SNX18: variants seen among roughly 807,000 people sequenced by gnomAD.
SNX18 encodes the protein sorting nexin 18.
A neutral mutation model predicts 48.7 loss-of-function variants in SNX18; 35 were observed. The ratio of observed to expected loss-of-function variants is 0.72; its 90% CI spans 0.55 to 0.95. SNX18 has a LOEUF of 0.95. Ranked by LOEUF, SNX18 falls within the 40% of genes least tolerant of loss-of-function variation. The pLI is 0.00. For missense variants in SNX18, 824 were observed against 871.0 expected (o/e 0.95, Z 0.68); for synonymous variants, 492 against 384.7 (o/e 1.28, Z -3.26).
At chr5:54,532,717 C>T (rs1057156318) in intron 1 of SNX18, among the ~76,000 whole-genome samples, 2 of 152,060 alleles carry the variant, frequency 1.3e-5, no homozygotes, top group Non-Finnish European at 2.9e-5. Context: ...AATTTTATCA[C>T]GTTTAATATT....
chr5:54,626,223 G>C, the SNX18 span, among the ~76,000 whole-genome samples: 2 of 152,194 alleles, frequency 1.3e-5, no homozygotes, highest in Non-Finnish European at 2.9e-5. Context: ...GAATCAGCAA[G>C]AACTTTGGTG....
At chr5:54,610,045 C>T in the SNX18 span, among the ~76,000 whole-genome samples, 2 of 152,140 alleles carry the variant, frequency 1.3e-5, no homozygotes, top group African/African-American at 4.8e-5. Context: ...CTTCGCCTTC[C>T]TCCATGACTG....
the SNX18 span, among the ~76,000 whole-genome samples, chr5:54,576,798 T>TTTGTTTGC: frequency 9.9e-4 from 147 of 148,372 alleles, 1 homozygote; most frequent in Middle Eastern, 3.5e-3. Context: ...TGTTTGTTTG[T>TTTGTTTGC]TTGCTTGCTT....
the SNX18 span, among the ~76,000 whole-genome samples, chr5:54,568,137 C>T: frequency 2.6e-5 from 4 of 152,150 alleles, no homozygotes; most frequent in Non-Finnish European, 5.9e-5. Flanking sequence ...CCTCGCTTCT[C>T]CCCACTTTCC....
chr5:54,590,580 C>T, the SNX18 span, among the ~76,000 whole-genome samples: 1 of 152,186 alleles, frequency 6.6e-6, no homozygotes, highest in African/African-American at 2.4e-5. Context: ...CAGTGACCCC[C>T]TACTTATACC....
Position 54,543,484 on chromosome 5 carries a change from C to T in SNX18, c.*52C>T. On this transcript the variant is annotated 3_prime_UTR_variant, in exon 2 of 2. Transcript: ENST00000381410. ...TTCAGTTCAAGGATAATTTCTACAG[C>T]AGAATAAAAACTGCTGTCAAAGAGC... 6.3e-7 allele frequency: 1 copy of T among 1,582,586 alleles called. No homozygotes were observed. The highest frequency in any genetic ancestry group is 8.6e-7 in the Non-Finnish European group (1 of 1,163,906).
At chr5:54,633,031 C>T in the SNX18 span, among the ~76,000 whole-genome samples, 1 of 152,024 alleles carries the variant, frequency 6.6e-6, no homozygotes. Flanking sequence ...CCTTGGCCTC[C>T]CAAAGTGCTG....
chr5:54,623,025 T>C, the SNX18 span, among the ~76,000 whole-genome samples: 11 of 152,362 alleles, frequency 7.2e-5, no homozygotes, highest in Middle Eastern at 3.4e-3. Context: ...TTCATTCATA[T>C]CAATAGTGCT....
chr5:54,617,743 T>A, the SNX18 span, among the ~76,000 whole-genome samples: 6 of 152,224 alleles, frequency 3.9e-5, no homozygotes, highest in South Asian at 8.3e-4. Flanking sequence ...TTTTTTAAAA[T>A]AGAGACAGAT....
chr5:54,521,486 G>A (rs1398563288), intron 1 of SNX18, among the ~76,000 whole-genome samples: 2 of 152,164 alleles, frequency 1.3e-5, no homozygotes, highest in East Asian at 1.9e-4. Flanking sequence ...ATTGCCTTAA[G>A]GCCAGGAGTT....
chr5:54,572,880 G>A, the SNX18 span, among the ~76,000 whole-genome samples: 1 of 135,516 alleles, frequency 7.4e-6, no homozygotes, highest in East Asian at 2.4e-4. Flanking sequence ...TGCAACCTCC[G>A]CCTCCCGGGT....
chr5:54,632,433 C>CA, the SNX18 span, among the ~76,000 whole-genome samples: 5 of 152,250 alleles, frequency 3.3e-5, no homozygotes, highest in African/African-American at 1.2e-4. Context: ...GCCTTGCAAA[C>CA]AGAGTCCCAG....
chr5:54,645,263 C>G, the SNX18 span: 1 of 152,154 alleles, frequency 6.6e-6, no homozygotes, highest in African/African-American at 2.4e-5. Flanking sequence ...AATTGATGTT[C>G]CAGCCACTAT....
At chr5:54,632,544 A>AT in the SNX18 span, among the ~76,000 whole-genome samples, 1 of 152,104 alleles carries the variant, frequency 6.6e-6, no homozygotes, top group African/African-American at 2.4e-5. Flanking sequence ...CATGCAGGAC[A>AT]TTGCACGGCT....
At chr5:54,646,975 T>C in the SNX18 span, among the ~76,000 whole-genome samples, 6 of 152,210 alleles carry the variant, frequency 3.9e-5, no homozygotes, top group Non-Finnish European at 7.3e-5. Context: ...CCTGTGCCTC[T>C]TCCTGAGGCT....
the SNX18 span, among the ~76,000 whole-genome samples, chr5:54,596,256 G>A: frequency 2.0e-5 from 3 of 152,138 alleles, no homozygotes; most frequent in Admixed American, 1.3e-4. Flanking sequence ...AAAAGGAATT[G>A]TATAATATAA....
chr5:54,538,172 A>C (rs549873031), intron 1 of SNX18, among the ~76,000 whole-genome samples: 1 of 152,266 alleles, frequency 6.6e-6, no homozygotes, highest in South Asian at 2.1e-4. Context: ...GTAAGAACCC[A>C]ATCATTTGTA....
chr5:54,598,605 C>T, the SNX18 span, among the ~76,000 whole-genome samples: 3,598 of 152,248 alleles, frequency 0.024, 53 homozygotes, highest in Non-Finnish European at 0.037. Flanking sequence ...TGTAATCCAT[C>T]ACATAAACGG....
At chr5:54,629,438 G>T in the SNX18 span, among the ~76,000 whole-genome samples, 1 of 152,120 alleles carries the variant, frequency 6.6e-6, no homozygotes, top group Non-Finnish European at 1.5e-5. Flanking sequence ...TCAGATTCTG[G>T]TATTGTTTGT....
Sources: gnomAD v4.1 joint callset for allele counts (sites outside exome capture counted in the v4.1 genomes callset) on GRCh38, gnomAD v4.1.1 for gene constraint, MANE v1.5 for transcripts, NCBI Gene and HGNC (gene_info 2026-07-23, HGNC 2026-07-21) for gene names.